Variants in EML1 observed in about 807,000 individuals in gnomAD.
EML1 encodes the protein EMAP like 1, also known as echinoderm microtubule-associated protein-like 1.
EML1 carries 27 observed loss-of-function variants against 110.4 expected under a neutral mutation model. The observed-to-expected ratio is 0.24, with a 90% confidence interval of 0.18 to 0.34. The LOEUF is 0.34. Ranked by LOEUF, EML1 falls within the 10% of genes least tolerant of loss-of-function variation. The pLI, the probability that EML1 is intolerant of heterozygous loss-of-function variation, is 1.00. For synonymous variants in EML1, 344 were observed against 385.8 expected (o/e 0.89, Z 1.27); for missense variants, 741 against 1,030.9 (o/e 0.72, Z 3.85).
chr14:99,924,452 A>C (rs184935638), intron 17 of EML1, among the ~76,000 whole-genome samples: 1 of 152,362 alleles, frequency 6.6e-6, no homozygotes. Flanking sequence ...GGCAAAGTTA[A>C]ATGTATAAAT....
At chr14:99,914,422 CTG>C (rs1476735878) in intron 14 of EML1, 118 bp downstream of exon 14, 5 of 1,530,744 alleles carry the variant, frequency 3.3e-6, no homozygotes, top group Non-Finnish European at 3.5e-6. Context: ...CCCAGAGTGT[CTG>C]TGGCTGCTGA....
At position 99,914,692 on chromosome 14, in the gene EML1, A is replaced by G. The variant is rs960911673; in HGVS notation, c.1747A>G (p.Ile583Val). The change falls in exon 15 of 22, where the codon ATA (isoleucine) becomes GTA (valine). Residue 583 changes from isoleucine to valine, a missense_variant. Physicochemically the swap from Ile to Val is conservative, Grantham distance 29. Around this residue, in one of 4 missense-constraint regions of EML1, gnomAD observed 388 missense variants for 605.6 expected, o/e 0.64. Transcript: ENST00000262233. ...VGHRPVWDKI[I>V]EDPAQSSGFH... is the part of the protein sequence containing the mutation. ...TCACCGTCCCGTCTGGGACAAAATA[A>G]TAGAGGTAAACATGCACATTACATT... The G allele has an allele frequency of 1.2e-6, 2 of 1,604,052 alleles. No individual in the cohort carries two copies. The highest frequency in any genetic ancestry group is 1.7e-6 in the Non-Finnish European group (2 of 1,177,600).
intron 1 of EML1, among the ~76,000 whole-genome samples, chr14:99,752,370 C>T (rs568668068): frequency 6.6e-5 from 10 of 152,318 alleles, no homozygotes; most frequent in Non-Finnish European, 8.8e-5. Context: ...CCAGGGTCGC[C>T]GGGCGGAATG....
chr14:99,751,267 T>A (rs2057172000), intron 1 of EML1, among the ~76,000 whole-genome samples: 1 of 150,618 alleles, frequency 6.6e-6, no homozygotes, highest in Admixed American at 6.6e-5. Context: ...CACAGGGGGG[T>A]GGGCAGGGCA....
intron 1 of EML1, among the ~76,000 whole-genome samples, chr14:99,815,055 C>T (rs1479321195): frequency 2.0e-5 from 3 of 151,482 alleles, no homozygotes; most frequent in Non-Finnish European, 2.9e-5. Context: ...AGCCCATACT[C>T]GTGGCTTGAG....
At chr14:99,788,278 T>C (rs542101512) in intron 1 of EML1, among the ~76,000 whole-genome samples, 77 of 152,308 alleles carry the variant, frequency 5.1e-4, no homozygotes, top group Non-Finnish European at 2.4e-4. Context: ...AAATGTCTCT[T>C]AGATTGTGAC....
intron 3 of EML1, among the ~76,000 whole-genome samples, chr14:99,870,021 C>G (rs1213729234): frequency 6.6e-6 from 1 of 152,234 alleles, no homozygotes; most frequent in Non-Finnish European, 1.5e-5. Context: ...TCCTTTATAG[C>G]TGCACAAAAC....
chr14:99,844,476 CAAAAAA>C (rs71113228), intron 1 of EML1, among the ~76,000 whole-genome samples: 1 of 136,430 alleles, frequency 7.3e-6, no homozygotes, highest in Non-Finnish European at 1.6e-5. Context: ...GAGACTTTGT[CAAAAAA>C]AAAAAAAAAA....
intron 17 of EML1, among the ~76,000 whole-genome samples, chr14:99,923,607 T>A: frequency 8.4e-6 from 1 of 119,010 alleles, no homozygotes; most frequent in African/African-American, 4.5e-5. Context: ...CGATCAGAAA[T>A]GTAAAGGTTT....
At chr14:99,758,213 A>G (rs2057277130) in intron 1 of EML1, among the ~76,000 whole-genome samples, 1 of 152,222 alleles carries the variant, frequency 6.6e-6, no homozygotes, top group Admixed American at 6.5e-5. Flanking sequence ...TCGAGAGTCA[A>G]CGGAAGCCAG....
At chr14:99,765,387 C>A (rs2140193362) in intron 1 of EML1, among the ~76,000 whole-genome samples, 1 of 152,264 alleles carries the variant, frequency 6.6e-6, no homozygotes, top group East Asian at 1.9e-4. Context: ...CTCCCCCCAC[C>A]ACGCCAGGCC....
At chr14:99,915,179 A>G (rs1458817711) in intron 15 of EML1, 2 of 191,744 alleles carry the variant, frequency 1.0e-5, no homozygotes, top group East Asian at 1.8e-4. Context: ...TTGGGAGGCC[A>G]AGGCAGGCAG....
intron 8 of EML1, among the ~76,000 whole-genome samples, chr14:99,900,671 T>C (rs561861325): frequency 3.6e-4 from 55 of 152,374 alleles, no homozygotes; most frequent in African/African-American, 1.3e-3. Flanking sequence ...CCCATGGTAC[T>C]ATTGTCAAAA....
In EML1 at chr14:99,936,102, G is replaced by A. The variant is rs1239658844; in HGVS notation, c.1983G>A (p.Lys661=). ...YIYGVSDNGR[K]YTRVGKCSGH... Reference sequence around the variant, plus strand: ...ATGGCGTTAGTGACAACGGGAGGAAGTACACGCGAGTGGGCAAGTGCTCGG... The same window carrying A: ...ATGGCGTTAGTGACAACGGGAGGAAATACACGCGAGTGGGCAAGTGCTCGG... The change falls in exon 18 of 22, where the codon AAG becomes AAA. Residue 661 remains lysine, a synonymous_variant. Transcript: ENST00000262233. The surrounding 1 kb of genome is among the most constrained non-coding windows in gnomAD (Gnocchi z 5.5). The A allele has an allele frequency of 1.2e-6, 2 of 1,614,172 alleles. No individual in the cohort carries two copies. The highest frequency in any genetic ancestry group is 1.7e-6 in the Non-Finnish European group (2 of 1,180,050).
chr14:99,865,560 T>C lies in EML1; in HGVS notation c.297T>C (p.Asn99=), dbSNP rs972641527. The part of the protein sequence containing the change: ...QTLPLRTTVN[N]GTVLPKKPTG... ...TGCCTTTAAGAACCACGGTCAACAA[T>C]GGCACTGTGTTACCAAAGAAACCTA... The change falls in exon 3 of 22, where the codon AAT becomes AAC. Residue 99 remains asparagine (N), a synonymous_variant. Transcript: ENST00000262233. 13 of 1,614,240 alleles carry C rather than the reference T, an allele frequency of 8.1e-6. No individual in the cohort carries two copies. The highest frequency in any genetic ancestry group is 1.6e-4 in the Middle Eastern group (1 of 6,062).
intron 1 of EML1, among the ~76,000 whole-genome samples, chr14:99,739,117 AGAGTGT>A (rs1483081675): frequency 3.1e-5 from 2 of 64,106 alleles, no homozygotes; most frequent in African/African-American, 9.5e-5. Context: ...AGAGAGAGAG[AGAGTGT>A]GTGTGTGTGT....
intron 1 of EML1, among the ~76,000 whole-genome samples, chr14:99,786,725 AT>A (rs772510286): frequency 3.3e-5 from 5 of 152,244 alleles, no homozygotes; most frequent in African/African-American, 4.8e-5. Flanking sequence ...CAAAGATGGC[AT>A]TTGCAGCAGG....
intron 1 of EML1, among the ~76,000 whole-genome samples, chr14:99,847,255 C>T (rs576701884): frequency 1.3e-5 from 2 of 152,202 alleles, no homozygotes; most frequent in African/African-American, 4.8e-5. Context: ...GAAAATGTAC[C>T]GTATGCACTG....
intron 9 of EML1, among the ~76,000 whole-genome samples, chr14:99,903,009 T>A (rs2059786625): frequency 6.6e-6 from 1 of 152,246 alleles, no homozygotes; most frequent in African/African-American, 2.4e-5. Context: ...AAACAAATTC[T>A]TTACAATTAT....
Sources: gnomAD v4.1 joint callset for allele counts (sites outside exome capture counted in the v4.1 genomes callset) on GRCh38, gnomAD v4.1.1 for gene constraint, gnomAD v4.1.1 regional missense constraint, Gnocchi (gnomAD v3.1) non-coding constraint, MANE v1.5 for transcripts, NCBI Gene and HGNC (gene_info 2026-07-23, HGNC 2026-07-21) for gene names.